The following BCAR3 variants were observed in gnomAD, a reference collection of about 807,000 sequenced individuals.
BCAR3 encodes breast cancer anti-estrogen resistance protein 3.
BCAR3 carries 37 observed loss-of-function variants against 80.1 expected under a neutral mutation model. That is an observed-to-expected ratio of 0.46 (90% confidence interval 0.36 to 0.61). BCAR3 has a LOEUF of 0.61. Among genes scored for constraint, BCAR3 ranks in the 20% least tolerant of loss-of-function variants. The pLI, the probability that BCAR3 is intolerant of heterozygous loss-of-function variation, is 0.00. For synonymous variants in BCAR3, 389 were observed against 418.9 expected (o/e 0.93, Z 0.87); for missense variants, 978 against 1,068.2 (o/e 0.92, Z 1.18).
chr1:93,575,481 T>C (rs1673417033), intron 8 of BCAR3, among the ~76,000 whole-genome samples: 1 of 152,178 alleles, frequency 6.6e-6, no homozygotes. Flanking sequence ...AGGGGAGGGA[T>C]GCCTCGGAGG....
intron 3 of BCAR3, among the ~76,000 whole-genome samples, chr1:93,691,825 T>C (rs1329645107): frequency 1.3e-5 from 2 of 152,196 alleles, no homozygotes; most frequent in Non-Finnish European, 2.9e-5. Flanking sequence ...TCAGCCTTTT[T>C]TCTAATAAGA....
Position 93,832,037 on chromosome 1 carries a change from A to C in BCAR3, c.-63+13530T>G, listed in dbSNP as rs143725165. Among the ~76,000 whole-genome samples, 66 of 152,312 alleles carry C rather than the reference A, an allele frequency of 4.3e-4. No individual in the cohort carries two copies. In the East Asian group the frequency reaches 0.013, roughly 29 times the overall value. On this transcript the variant is annotated intron_variant, in intron 2 of 13. Coordinates refer to the BCAR3 transcript ENST00000370244. ...ACCGCCCTAGACCCAGAAGGGCCAG[A>C]AGGCCATCTTATTCTCGATATGTGT...
intron 2 of BCAR3, among the ~76,000 whole-genome samples, chr1:93,652,635 GGTT>G (rs1476359193): frequency 6.6e-6 from 1 of 151,792 alleles, no homozygotes; most frequent in African/African-American, 2.4e-5. Flanking sequence ...TAAATGAAAA[GGTT>G]TTTTTTTTTT....
At chr1:93,687,789 C>T (rs1161206142) in intron 3 of BCAR3, among the ~76,000 whole-genome samples, 2 of 152,192 alleles carry the variant, frequency 1.3e-5, no homozygotes, top group Non-Finnish European at 2.9e-5. Context: ...CACTAATTAA[C>T]AGGCAGCTGG....
At chr1:93,664,222 C>T (rs1384073036) in intron 2 of BCAR3, among the ~76,000 whole-genome samples, 1 of 152,122 alleles carries the variant, frequency 6.6e-6, no homozygotes, top group Non-Finnish European at 1.5e-5. Flanking sequence ...TGGGTTCAGG[C>T]GATTCTCCTG....
intron 2 of BCAR3, among the ~76,000 whole-genome samples, chr1:93,825,775 CTCTG>C (rs760126620): frequency 1.2e-4 from 18 of 152,178 alleles, no homozygotes; most frequent in Admixed American, 2.6e-4. Context: ...GCTTTCTCTC[CTCTG>C]TCTTTGACCC....
At chr1:93,609,699 G>C (rs1461851539) in intron 3 of BCAR3, among the ~76,000 whole-genome samples, 3 of 152,204 alleles carry the variant, frequency 2.0e-5, no homozygotes, top group Non-Finnish European at 4.4e-5. Context: ...CAGGGACCTG[G>C]GGGCGGGCCT....
chr1:93,728,639 G>T (rs374445860), intron 2 of BCAR3, among the ~76,000 whole-genome samples: 2 of 152,168 alleles, frequency 1.3e-5, no homozygotes, highest in Admixed American at 6.5e-5. Context: ...TCCTCCAACT[G>T]TCCCAGCCAA....
chr1:93,828,360 C>T (rs974742172), intron 2 of BCAR3, among the ~76,000 whole-genome samples: 4 of 152,172 alleles, frequency 2.6e-5, no homozygotes, highest in Non-Finnish European at 5.9e-5. Context: ...ACTAGAATCC[C>T]TCTCTTCCAA....
At chr1:93,627,482 G>A (rs780084412) in intron 3 of BCAR3, among the ~76,000 whole-genome samples, 8 of 152,052 alleles carry the variant, frequency 5.3e-5, no homozygotes, top group Non-Finnish European at 8.8e-5. Flanking sequence ...ACCTGTGCAG[G>A]GCCACATTAT....
chr1:93,797,285 C>T (rs940181197), intron 2 of BCAR3, among the ~76,000 whole-genome samples: 1 of 152,190 alleles, frequency 6.6e-6, no homozygotes, highest in Non-Finnish European at 1.5e-5. Flanking sequence ...CACTTTCCTT[C>T]TGAAAGAGTA....
intron 1 of BCAR3, among the ~76,000 whole-genome samples, chr1:93,680,401 G>C (rs933370350): frequency 6.6e-6 from 1 of 152,110 alleles, no homozygotes; most frequent in African/African-American, 2.4e-5. Context: ...TGGCACGCCC[G>C]CAGACAAGCG....
At chr1:93,684,687 A>G (rs1266517875), upstream of BCAR3, among the ~76,000 whole-genome samples, 1 of 152,144 alleles carries the variant, frequency 6.6e-6, no homozygotes, top group Non-Finnish European at 1.5e-5. Context: ...CAAGATGCAT[A>G]GCTAGTGAGA....
intron 2 of BCAR3, among the ~76,000 whole-genome samples, chr1:93,805,185 C>T (rs1428661738): frequency 6.6e-6 from 1 of 152,114 alleles, no homozygotes. Context: ...TGTCATAAGC[C>T]TACAATAAAG....
At chr1:93,685,340 T>G (rs1211873609), upstream of BCAR3, among the ~76,000 whole-genome samples, 1 of 149,582 alleles carries the variant, frequency 6.7e-6, no homozygotes, top group East Asian at 1.9e-4. Context: ...TGTATGTGCC[T>G]ACCAGAGTTT....
chr1:93,681,895 C>T (rs1648797518), upstream of BCAR3: 1 of 152,310 alleles, frequency 6.6e-6, no homozygotes, highest in Non-Finnish European at 1.5e-5. Flanking sequence ...GCGGCCCCAC[C>T]CCGGCGAGCC....
intron 4 of BCAR3, among the ~76,000 whole-genome samples, chr1:93,591,491 A>AT (rs1674187923): frequency 6.6e-6 from 1 of 151,982 alleles, no homozygotes. Context: ...AAGAAAAAAA[A>AT]CTTACGACAT....
chr1:93,721,154 T>C (rs573928458), intron 2 of BCAR3, among the ~76,000 whole-genome samples: 8 of 152,016 alleles, frequency 5.3e-5, no homozygotes, highest in Admixed American at 4.6e-4. Context: ...GAAGGAAGGG[T>C]AGGAAAGGTT....
Position 93,586,490 on chromosome 1 carries a change from A to G in BCAR3, c.930-2369T>C, listed in dbSNP as rs1168274680. On this transcript the variant is annotated intron_variant, in intron 5 of 11. Transcript: ENST00000260502. This position sits in a 1 kb window ranked among gnomAD's most constrained non-coding sequence, Gnocchi z 4.2. ...GCTGCTTCCAAATCTTAGCTATTGT[A>G]AACAGTGCTGCAACAAACATTGGTG... 6.7e-6 allele frequency among the ~76,000 whole-genome samples: 1 copy of G among 149,094 alleles called. No homozygotes were observed. Among genetic ancestry groups the G allele is most frequent in the Non-Finnish European group, 1.5e-5 (1 of 67,266 alleles).
Sources: gnomAD v4.1 joint callset for allele counts (sites outside exome capture counted in the v4.1 genomes callset) on GRCh38, gnomAD v4.1.1 for gene constraint, Gnocchi (gnomAD v3.1) non-coding constraint, MANE v1.5 for transcripts, NCBI Gene and HGNC (gene_info 2026-07-23, HGNC 2026-07-21) for gene names.